The following PTPRG variants were observed in gnomAD, a reference collection of about 807,000 sequenced individuals.
PTPRG encodes receptor-type tyrosine-protein phosphatase gamma.
In PTPRG, 102 loss-of-function variants were observed where a neutral mutation model predicts 165.3. That is an observed-to-expected ratio of 0.62 (90% CI 0.53 to 0.73). PTPRG has a LOEUF of 0.73. PTPRG is among the 30% of genes least tolerant of loss of function. PTPRG has a pLI of 0.00. For missense variants in PTPRG, 1,866 were observed against 1,861.4 expected, an observed-to-expected ratio of 1.00 and a Z score of -0.05; for synonymous variants, 675 against 669.5, an observed-to-expected ratio of 1.01 and a Z score of -0.13.
intron 2 of PTPRG, chr3:61,770,325 C>T (rs1218959295): frequency 6.6e-6 from 1 of 152,128 alleles, no homozygotes; most frequent in South Asian, 2.1e-4. Flanking sequence ...GCTACCTTAA[C>T]AGGATGATAG....
At chr3:62,066,933 G>T (rs562428899) in intron 4 of PTPRG, among the ~76,000 whole-genome samples, 67 of 151,552 alleles carry the variant, frequency 4.4e-4, no homozygotes, top group African/African-American at 1.5e-3. Context: ...AGCTACTCAG[G>T]AGGCGGAGGC....
intron 4 of PTPRG, among the ~76,000 whole-genome samples, chr3:62,020,240 C>CA (rs1444496779): frequency 6.6e-6 from 1 of 152,080 alleles, no homozygotes; most frequent in Non-Finnish European, 1.5e-5. Flanking sequence ...CTCAGTTCTT[C>CA]AAAAATGAAA....
intron 2 of PTPRG, among the ~76,000 whole-genome samples, chr3:61,915,944 G>A (rs2107549646): frequency 6.6e-6 from 1 of 152,308 alleles, no homozygotes; most frequent in South Asian, 2.1e-4. Context: ...GCCCATTCCT[G>A]AATTAATGTG....
chr3:62,035,134 GTC>G (rs893738828), intron 4 of PTPRG, among the ~76,000 whole-genome samples: 2 of 152,172 alleles, frequency 1.3e-5, no homozygotes, highest in African/African-American at 4.8e-5. Context: ...TGAACACCGA[GTC>G]TCTGTTTGGG....
chr3:62,078,241 A>T lies in PTPRG; in HGVS notation c.598A>T (p.Met200Leu). ...TTCTGAGAACAGAATAATCGGAGCC[A>T]TGGCCATATTTTTTCAAGTAAGTTA... ...AISENRIIGA[M>L]AIFFQVSPRD... Residue 200 changes from methionine to leucine, a missense_variant, in exon 5 of 30, where the codon ATG (methionine) becomes TTG (leucine). Physicochemically the swap from Met to Leu is conservative, Grantham distance 15. Transcript: ENST00000474889. 1 of 1,601,278 alleles carries T rather than the reference A, an allele frequency of 6.2e-7. No individual in the cohort carries two copies. The highest frequency in any genetic ancestry group is 2.2e-5 in the East Asian group (1 of 44,580).
At chr3:61,852,144 T>C (rs1391217718) in intron 2 of PTPRG, among the ~76,000 whole-genome samples, 2 of 152,172 alleles carry the variant, frequency 1.3e-5, no homozygotes, top group Non-Finnish European at 2.9e-5. Flanking sequence ...TTAATTTCTT[T>C]TTAAGGTGTT....
intron 1 of PTPRG, among the ~76,000 whole-genome samples, chr3:61,680,668 C>G (rs1703406096): frequency 6.6e-6 from 1 of 150,848 alleles, no homozygotes; most frequent in Admixed American, 6.6e-5. Flanking sequence ...CATGGAAAAA[C>G]CAGCCTCTGG....
intron 17 of PTPRG, among the ~76,000 whole-genome samples, chr3:62,265,438 A>C (rs1701832629): frequency 6.6e-6 from 1 of 152,150 alleles, no homozygotes; most frequent in African/African-American, 2.4e-5. Flanking sequence ...TTGCTAGTTT[A>C]TATAAATACA....
chr3:62,104,285 G>T (rs1213777280), intron 5 of PTPRG, among the ~76,000 whole-genome samples: 1 of 152,136 alleles, frequency 6.6e-6, no homozygotes, highest in Non-Finnish European at 1.5e-5. Flanking sequence ...TAGCCCTGCT[G>T]GCCTTCCATC....
chr3:62,272,943 C>T lies in PTPRG; in HGVS notation c.3183-3C>T. The T allele has an allele frequency of 6.3e-7, 1 of 1,581,706 alleles. No homozygotes were observed. Among genetic ancestry groups the T allele is most frequent in the South Asian group, 1.2e-5 (1 of 85,090 alleles). Reference sequence around the variant, plus strand: ...GCCAGTTGAGTGTCTTCATTTCTTACAGTGCTGGTGTGGGCAGAACAGGCA... The same window carrying T: ...GCCAGTTGAGTGTCTTCATTTCTTATAGTGCTGGTGTGGGCAGAACAGGCA... On this transcript the variant is annotated splice_polypyrimidine_tract_variant and splice_region_variant and intron_variant, in intron 21 of 29. Transcript: ENST00000474889.
intron 1 of PTPRG, among the ~76,000 whole-genome samples, chr3:61,670,847 G>A (rs976400120): frequency 6.6e-6 from 1 of 152,140 alleles, no homozygotes; most frequent in African/African-American, 2.4e-5. Flanking sequence ...ACCTTCGTTG[G>A]CATTTTTTGT....
intron 8 of PTPRG, among the ~76,000 whole-genome samples, chr3:62,174,589 G>A (rs1423619448): frequency 6.6e-6 from 1 of 152,212 alleles, no homozygotes; most frequent in Non-Finnish European, 1.5e-5. Context: ...AGTACATTGA[G>A]AAAGAGGGTC....
chr3:62,030,880 C>T (rs1261578663), intron 4 of PTPRG, among the ~76,000 whole-genome samples: 1 of 152,220 alleles, frequency 6.6e-6, no homozygotes, highest in South Asian at 2.1e-4. Flanking sequence ...CCCCCCACTG[C>T]CTGGGTAAAT....
chr3:61,961,830 T>C (rs951042268), intron 2 of PTPRG, among the ~76,000 whole-genome samples: 2 of 152,142 alleles, frequency 1.3e-5, no homozygotes, highest in African/African-American at 4.8e-5. Flanking sequence ...CCCAAGGCTT[T>C]TAAATGAGAA....
intron 1 of PTPRG, among the ~76,000 whole-genome samples, chr3:61,684,597 G>A (rs527440854): frequency 7.9e-5 from 12 of 152,280 alleles, no homozygotes; most frequent in Admixed American, 1.3e-4. Flanking sequence ...AAGTCGGGAA[G>A]TCCATTACCC....
At chr3:61,969,094 T>C (rs1177131003) in intron 2 of PTPRG, among the ~76,000 whole-genome samples, 1 of 152,196 alleles carries the variant, frequency 6.6e-6, no homozygotes, top group Non-Finnish European at 1.5e-5. Context: ...TATGGGAATG[T>C]AGTACTATAT....
At chr3:62,012,408 C>T (rs1306014488) in intron 4 of PTPRG, among the ~76,000 whole-genome samples, 1 of 152,124 alleles carries the variant, frequency 6.6e-6, no homozygotes, top group Non-Finnish European at 1.5e-5. Context: ...TTAACTGTTG[C>T]TTATTGTACC....
At chr3:62,264,173 A>G (rs1701788966) in intron 17 of PTPRG, 1 of 151,428 alleles carries the variant, frequency 6.6e-6, no homozygotes, top group Non-Finnish European at 1.5e-5. Flanking sequence ...TCTGAAGTTA[A>G]TGGGATGTGG....
intron 2 of PTPRG, among the ~76,000 whole-genome samples, chr3:61,820,428 A>G (rs2035916372): frequency 1.3e-5 from 2 of 152,146 alleles, no homozygotes; most frequent in South Asian, 4.1e-4. Context: ...CCACCCATTG[A>G]GGAAGGCCAT....
Sources: allele counts gnomAD v4.1 joint callset (sites outside exome capture counted in the v4.1 genomes callset), GRCh38; gene constraint gnomAD v4.1.1; transcripts MANE v1.5; gene names NCBI Gene and HGNC (gene_info 2026-07-23, HGNC 2026-07-21).